The following PCDH15 variants were observed in gnomAD, a reference collection of about 807,000 sequenced individuals.
The protein encoded by PCDH15 is protocadherin-15.
Under a neutral mutation model 178.5 loss-of-function variants are expected in PCDH15, and 129 were observed. The observed-to-expected ratio is 0.72, with a 90% CI of 0.63 to 0.84. PCDH15 has a LOEUF of 0.84. PCDH15 is among the 40% of genes least tolerant of loss of function. The pLI, the probability that PCDH15 is intolerant of heterozygous loss-of-function variation, is 0.00. For missense variants in PCDH15, 2,230 were observed against 2,099.9 expected (o/e 1.06, Z -1.21); for synonymous variants, 800 against 732.0 (o/e 1.09, Z -1.50).
At chr10:55,515,545 C>A (rs1342405165) in intron 2 of PCDH15, among the ~76,000 whole-genome samples, 1 of 151,680 alleles carries the variant, frequency 6.6e-6, no homozygotes, top group African/African-American at 2.4e-5. Context: ...TAATAAATAG[C>A]AGATCTAGTA....
chr10:55,334,280 G>GTGTGTA (rs1355756380), intron 2 of PCDH15, among the ~76,000 whole-genome samples: 42 of 130,024 alleles, frequency 3.2e-4, no homozygotes, highest in African/African-American at 1.4e-3. Flanking sequence ...GTGTGTGTGT[G>GTGTGTA]TGTGTATGTG....
chr10:55,149,568 T>C (rs1838639834), intron 2 of PCDH15, among the ~76,000 whole-genome samples: 1 of 152,048 alleles, frequency 6.6e-6, no homozygotes. Flanking sequence ...CAGAAATAAA[T>C]GATTAAAACC....
intron 3 of PCDH15, among the ~76,000 whole-genome samples, chr10:54,407,288 T>TA (rs1423113613): frequency 6.6e-6 from 1 of 152,094 alleles, no homozygotes; most frequent in Non-Finnish European, 1.5e-5. Flanking sequence ...GAGTGGCAGT[T>TA]ACATGTGTGT....
intron 1 of PCDH15, among the ~76,000 whole-genome samples, chr10:55,266,935 C>T (rs991597334): frequency 6.6e-6 from 1 of 152,222 alleles, no homozygotes; most frequent in Admixed American, 6.5e-5. Flanking sequence ...ACTGGGGCTT[C>T]AGCTGTTAAC....
intron 26 of PCDH15, among the ~76,000 whole-genome samples, chr10:53,879,338 AG>A (rs2080519769): frequency 6.6e-6 from 1 of 152,200 alleles, no homozygotes; most frequent in African/African-American, 2.4e-5. Flanking sequence ...TTGATAGCAA[AG>A]CAAAAGCACT....
intron 3 of PCDH15, among the ~76,000 whole-genome samples, chr10:54,878,845 C>G (rs1481281631): frequency 6.6e-6 from 1 of 151,968 alleles, no homozygotes; most frequent in Non-Finnish European, 1.5e-5. Flanking sequence ...TCAGCAGGCA[C>G]CAGTGTGTAT....
At chr10:54,567,196 T>C (rs1261959467) in intron 2 of PCDH15, among the ~76,000 whole-genome samples, 4 of 152,184 alleles carry the variant, frequency 2.6e-5, no homozygotes, top group Non-Finnish European at 4.4e-5. Flanking sequence ...TTTCTTATTG[T>C]TAACTTTTAA....
intron 3 of PCDH15, among the ~76,000 whole-genome samples, chr10:54,397,312 T>C (rs1459352481): frequency 1.3e-5 from 2 of 152,080 alleles, no homozygotes; most frequent in African/African-American, 4.8e-5. Flanking sequence ...AGTCTCCCAG[T>C]TTGTATGGAT....
At chr10:55,059,087 A>T (rs1248887941) in intron 2 of PCDH15, among the ~76,000 whole-genome samples, 1 of 152,310 alleles carries the variant, frequency 6.6e-6, no homozygotes, top group South Asian at 2.1e-4. Flanking sequence ...CTGCTGCAAC[A>T]TGGTCACTGG....
intron 2 of PCDH15, among the ~76,000 whole-genome samples, chr10:55,029,412 G>T (rs550298023): frequency 6.6e-6 from 1 of 152,036 alleles, no homozygotes; most frequent in East Asian, 1.9e-4. Flanking sequence ...CTGACAATCA[G>T]GTTTAAATAA....
intron 2 of PCDH15, among the ~76,000 whole-genome samples, chr10:54,949,060 A>G (rs2131872134): frequency 6.6e-6 from 1 of 152,058 alleles, no homozygotes. Flanking sequence ...GACATGGAGG[A>G]AAACATATAT....
At chr10:53,830,394 T>TC (rs2076949060) in intron 30 of PCDH15, among the ~76,000 whole-genome samples, 1 of 152,216 alleles carries the variant, frequency 6.6e-6, no homozygotes, top group South Asian at 2.1e-4. Context: ...GTTCTACCAT[T>TC]ATTTCTTATT....
chr10:54,678,474 C>G (rs955143274), intron 1 of PCDH15, among the ~76,000 whole-genome samples: 4 of 151,920 alleles, frequency 2.6e-5, no homozygotes, highest in African/African-American at 9.7e-5. Flanking sequence ...TTTTGGTGAG[C>G]AACACTAAGA....
At chr10:54,906,445 T>C (rs1357404225) in intron 2 of PCDH15, among the ~76,000 whole-genome samples, 1 of 152,114 alleles carries the variant, frequency 6.6e-6, no homozygotes, top group Non-Finnish European at 1.5e-5. Flanking sequence ...AAAAATAAAT[T>C]CCAAAATAAA....
chr10:55,211,963 G>T (rs1840582420), intron 1 of PCDH15, among the ~76,000 whole-genome samples: 1 of 750 alleles, frequency 1.3e-3, no homozygotes, highest in Non-Finnish European at 4.1e-3. Context: ...ACAAAGAGCA[G>T]CCTGAAAAAT....
In PCDH15 at chr10:54,983,877, T is replaced by C. The variant is rs545075418; in HGVS notation, c.-79-86377A>G. Among the ~76,000 whole-genome samples the C allele has an allele frequency of 2.0e-5, 3 of 152,208 alleles. No individual in the cohort carries two copies. The East Asian group carries it at 5.8e-4, about 30-fold the overall frequency. ...CACTCTGTACCTCCTCCCCATTCCC[T>C]GTAAAAACAGAGATAACACAATTGA... On this transcript the variant is annotated intron_variant, in intron 2 of 5. Transcript: ENST00000458638.
intron 2 of PCDH15, among the ~76,000 whole-genome samples, chr10:55,595,189 T>C (rs1361546896): frequency 1.3e-5 from 2 of 152,080 alleles, no homozygotes; most frequent in South Asian, 4.1e-4. Flanking sequence ...GTAGAACATG[T>C]AATTATAAAT....
chr10:54,420,206 C>T (rs1219155070), intron 3 of PCDH15, among the ~76,000 whole-genome samples: 1 of 151,922 alleles, frequency 6.6e-6, no homozygotes, highest in Non-Finnish European at 1.5e-5. Flanking sequence ...ATATGTTGCC[C>T]ATAATGCTTT....
At chr10:54,205,042 T>C (rs540366034) in intron 10 of PCDH15, among the ~76,000 whole-genome samples, 90 of 152,168 alleles carry the variant, frequency 5.9e-4, no homozygotes, top group Non-Finnish European at 1.1e-3. Context: ...TTCAAGTAAT[T>C]TTAATATATG....
Sources: allele counts gnomAD v4.1 joint callset (sites outside exome capture counted in the v4.1 genomes callset), GRCh38; gene constraint gnomAD v4.1.1; transcripts MANE v1.5; gene names NCBI Gene and HGNC (gene_info 2026-07-23, HGNC 2026-07-21).